DENND1B: variants seen among roughly 807,000 people sequenced by gnomAD.
DENND1B encodes the protein DENN domain-containing protein 1B.
DENND1B carries 59 observed loss-of-function variants against 90.1 expected under a neutral mutation model. The ratio of observed to expected loss-of-function variants is 0.65; its 90% CI spans 0.53 to 0.81. The LOEUF (loss-of-function observed/expected upper bound fraction) is 0.81, where lower values mean the gene tolerates loss of function less well. Ranked by LOEUF, DENND1B falls within the 40% of genes least tolerant of loss-of-function variation. The probability of loss-of-function intolerance (pLI) is 0.00; values close to 1 mark genes in which losing one functional copy is unlikely to be tolerated. For missense variants in DENND1B, 862 were observed against 912.6 expected (o/e 0.94, Z 0.71); for synonymous variants, 337 against 324.6 (o/e 1.04, Z -0.41).
At chr1:197,515,217 C>A (rs180887435) in intron 20 of DENND1B, among the ~76,000 whole-genome samples, 15 of 151,752 alleles carry the variant, frequency 9.9e-5, no homozygotes, top group African/African-American at 3.6e-4. Flanking sequence ...GCTCTTATAA[C>A]CCCTACTCGG....
At chr1:197,648,840 G>A (rs930289376) in intron 7 of DENND1B, among the ~76,000 whole-genome samples, 2 of 152,028 alleles carry the variant, frequency 1.3e-5, no homozygotes, top group African/African-American at 4.8e-5. Flanking sequence ...CCTCTGCTCT[G>A]TGCTCTTCTA....
At chr1:197,696,139 T>C (rs990940310) in intron 3 of DENND1B, among the ~76,000 whole-genome samples, 1 of 151,396 alleles carries the variant, frequency 6.6e-6, no homozygotes, top group Non-Finnish European at 1.5e-5. Flanking sequence ...CTGAGTAGAC[T>C]GGATTTAATG....
chr1:197,764,776 A>G (rs1655500177), intron 2 of DENND1B, among the ~76,000 whole-genome samples: 1 of 152,262 alleles, frequency 6.6e-6, no homozygotes, highest in Non-Finnish European at 1.5e-5. Flanking sequence ...GAAGGCTATC[A>G]GTTGTTCACA....
At chr1:197,564,712 G>A (rs375399585) in intron 15 of DENND1B, among the ~76,000 whole-genome samples, 3 of 151,918 alleles carry the variant, frequency 2.0e-5, no homozygotes, top group East Asian at 3.9e-4. Context: ...ACTTTTTATG[G>A]CATTTCATTA....
intron 6 of DENND1B, among the ~76,000 whole-genome samples, chr1:197,658,033 G>A (rs2125951762): frequency 6.6e-6 from 1 of 152,250 alleles, no homozygotes; most frequent in Non-Finnish European, 1.5e-5. Flanking sequence ...ACTTATATGA[G>A]ATACATAGAC....
At chr1:197,720,328 C>T (rs1437614457) in intron 2 of DENND1B, among the ~76,000 whole-genome samples, 1 of 152,020 alleles carries the variant, frequency 6.6e-6, no homozygotes, top group African/African-American at 2.4e-5. Flanking sequence ...CCTCACTCTC[C>T]CAGCCTCAAG....
chr1:197,528,276 C>T (rs1313304550), intron 20 of DENND1B, among the ~76,000 whole-genome samples: 1 of 152,138 alleles, frequency 6.6e-6, no homozygotes, highest in Non-Finnish European at 1.5e-5. Context: ...TGAGATTTCT[C>T]TTAAGTCCCT....
At chr1:197,627,394 A>C (rs1678865963) in intron 10 of DENND1B, among the ~76,000 whole-genome samples, 1 of 152,176 alleles carries the variant, frequency 6.6e-6, no homozygotes, top group Non-Finnish European at 1.5e-5. Flanking sequence ...CAATAAATGT[A>C]ATCCAGCATA....
intron 3 of DENND1B, among the ~76,000 whole-genome samples, chr1:197,696,893 C>CAA (rs533976295): frequency 0.019 from 2,012 of 106,924 alleles, 46 homozygotes; most frequent in African/African-American, 0.059. Context: ...CAGAGACATG[C>CAA]AAAAAAAAAA....
intron 7 of DENND1B, among the ~76,000 whole-genome samples, chr1:197,651,403 C>T (rs1282418894): frequency 6.6e-6 from 1 of 151,994 alleles, no homozygotes; most frequent in Non-Finnish European, 1.5e-5. Context: ...TATCCCATCA[C>T]AGGCTTGTTG....
chr1:197,614,458 T>G (rs568378177), intron 11 of DENND1B, among the ~76,000 whole-genome samples: 1 of 151,026 alleles, frequency 6.6e-6, no homozygotes, highest in East Asian at 2.0e-4. Flanking sequence ...TAGCCTTAAA[T>G]TTCCTAATTA....
chr1:197,778,849 G>A (rs533644941), upstream of DENND1B, among the ~76,000 whole-genome samples: 13 of 151,600 alleles, frequency 8.6e-5, no homozygotes, highest in Non-Finnish European at 1.6e-4. Flanking sequence ...TTCTAGTTTG[G>A]AAGTTATTTA....
At chr1:197,634,959 T>C (rs556828308) in intron 10 of DENND1B, among the ~76,000 whole-genome samples, 1 of 147,970 alleles carries the variant, frequency 6.8e-6, no homozygotes, top group Non-Finnish European at 1.5e-5. Flanking sequence ...ATCACTACAC[T>C]CCAACACCTT....
chr1:197,599,032 G>A (rs1675962677), intron 13 of DENND1B, among the ~76,000 whole-genome samples: 1 of 151,714 alleles, frequency 6.6e-6, no homozygotes, highest in Non-Finnish European at 1.5e-5. Flanking sequence ...TTAGCACGCT[G>A]GGAATTCACT....
At chr1:197,669,328 A>C (rs1655254134) in intron 5 of DENND1B, among the ~76,000 whole-genome samples, 1 of 152,108 alleles carries the variant, frequency 6.6e-6, no homozygotes, top group South Asian at 2.1e-4. Flanking sequence ...AAAGTGGTGA[A>C]GGACCCATCA....
chr1:197,608,665 A>C lies in DENND1B; in HGVS notation c.820-1491T>G, dbSNP rs200201043. Among the ~76,000 whole-genome samples the C allele has an allele frequency of 2.7e-5, 4 of 150,696 alleles. No individual in the cohort carries two copies. In the East Asian group the frequency reaches 5.9e-4, roughly 22 times the overall value. ...AAAGATAATCTAATAAACCTGATGTATTTGTTAAGGGATAAAATGAGTTAG... is the reference window on the plus strand; with the variant it reads ...AAAGATAATCTAATAAACCTGATGTCTTTGTTAAGGGATAAAATGAGTTAG... On this transcript the variant is annotated intron_variant, in intron 12 of 22. Coordinates refer to ENST00000620048, the MANE Select transcript of DENND1B (RefSeq NM_001195215.2).
chr1:197,716,129 A>C (rs1660619832), intron 2 of DENND1B, among the ~76,000 whole-genome samples: 1 of 151,864 alleles, frequency 6.6e-6, no homozygotes, highest in Non-Finnish European at 1.5e-5. Context: ...TTTCTAAAAA[A>C]CACAACCTAA....
At chr1:197,512,106 T>C (rs1209242992) in intron 21 of DENND1B, among the ~76,000 whole-genome samples, 162 bp from the exon 22 acceptor site, 4 of 151,728 alleles carry the variant, frequency 2.6e-5, no homozygotes, top group Admixed American at 6.6e-5. Flanking sequence ...AATTCCAATA[T>C]GGAAATATTT....
At chr1:197,759,740 C>G (rs989138663) in intron 2 of DENND1B, among the ~76,000 whole-genome samples, 3 of 64,676 alleles carry the variant, frequency 4.6e-5, no homozygotes, top group African/African-American at 7.8e-5. Context: ...AAGACTCCGT[C>G]TCAAAAAAAA....
Sources: allele counts gnomAD v4.1 joint callset (sites outside exome capture counted in the v4.1 genomes callset), GRCh38; gene constraint gnomAD v4.1.1; transcripts MANE v1.5; gene names NCBI Gene and HGNC (gene_info 2026-07-23, HGNC 2026-07-21).